NRXN1: variants seen among roughly 807,000 people sequenced by gnomAD.
The protein encoded by NRXN1 is neurexin-1.
A neutral mutation model predicts 150.9 loss-of-function variants in NRXN1; 39 were observed. The observed-to-expected ratio is 0.26, with a 90% CI of 0.20 to 0.34. The LOEUF is 0.34. Ranked by LOEUF, NRXN1 falls within the 10% of genes least tolerant of loss-of-function variation. NRXN1 has a pLI of 1.00. For synonymous variants in NRXN1, 924 were observed against 757.0 expected (o/e 1.22, Z -3.62); for missense variants, 1,815 against 1,949.9 (o/e 0.93, Z 1.30).
In NRXN1 at chr2:50,823,544, C is replaced by T. The variant is rs529153549; in HGVS notation, c.832+98325G>A. 2.8e-4 allele frequency among the ~76,000 whole-genome samples: 43 copies of T among 152,200 alleles called. No homozygotes were observed. In the South Asian group the frequency reaches 3.3e-3, roughly 12 times the overall value. The stretch of plus-strand genomic sequence containing the variant: ...CACATTCCTGATTCCCATAGCACTG[C>T]TTTTTCTATGAATTAATGTTGTTTC... On this transcript the variant is annotated intron_variant, in intron 5 of 22. Transcript: ENST00000401669.
At chr2:50,771,443 A>G (rs1703000129) in intron 5 of NRXN1, among the ~76,000 whole-genome samples, 1 of 152,120 alleles carries the variant, frequency 6.6e-6, no homozygotes, top group Admixed American at 6.6e-5. Context: ...GAATTGAGAG[A>G]AAAGTCAGGA....
At chr2:50,541,448 T>C (rs2093386865) in intron 9 of NRXN1, among the ~76,000 whole-genome samples, 1 of 152,176 alleles carries the variant, frequency 6.6e-6, no homozygotes, top group Admixed American at 6.5e-5. Flanking sequence ...AGACAATCAT[T>C]CATTACAGTT....
chr2:50,988,051 G>A (rs1464900693), intron 2 of NRXN1, among the ~76,000 whole-genome samples: 34 of 151,922 alleles, frequency 2.2e-4, no homozygotes, highest in Admixed American at 2.2e-3. Flanking sequence ...ACACTACTCA[G>A]GTCTATTCAG....
At chr2:50,169,335 T>G (rs2059877872) in intron 18 of NRXN1, among the ~76,000 whole-genome samples, 1 of 152,180 alleles carries the variant, frequency 6.6e-6, no homozygotes, top group Non-Finnish European at 1.5e-5. Flanking sequence ...ATGGGTACCT[T>G]GCCCCAGTGG....
chr2:50,587,644 G>C (rs1437753430), intron 8 of NRXN1, among the ~76,000 whole-genome samples: 2 of 152,118 alleles, frequency 1.3e-5, no homozygotes, highest in African/African-American at 4.8e-5. Context: ...AGGGAAAAAA[G>C]TATAACTAGC....
intron 17 of NRXN1, among the ~76,000 whole-genome samples, chr2:50,314,705 A>G (rs953642180): frequency 6.6e-6 from 1 of 152,066 alleles, no homozygotes; most frequent in Admixed American, 6.6e-5. Flanking sequence ...TATTTTTTGT[A>G]AATTTAAGAG....
chr2:50,578,987 A>T (rs1351020351), intron 8 of NRXN1, among the ~76,000 whole-genome samples: 1 of 152,210 alleles, frequency 6.6e-6, no homozygotes, highest in Non-Finnish European at 1.5e-5. Flanking sequence ...TCTTACCTGC[A>T]GCACACATTT....
intron 5 of NRXN1, among the ~76,000 whole-genome samples, chr2:50,684,195 T>A (rs545892483): frequency 2.0e-5 from 3 of 152,176 alleles, no homozygotes; most frequent in Non-Finnish European, 4.4e-5. Flanking sequence ...AAGAATTCTG[T>A]AAAATTACAT....
chr2:50,775,217 T>C (rs1251171591), intron 5 of NRXN1, among the ~76,000 whole-genome samples: 1 of 152,164 alleles, frequency 6.6e-6, no homozygotes. Context: ...TCAGTTAATA[T>C]ACAGCATTCC....
chr2:50,405,158 T>C (rs1361255359), intron 17 of NRXN1, among the ~76,000 whole-genome samples: 2 of 152,152 alleles, frequency 1.3e-5, no homozygotes, highest in African/African-American at 4.8e-5. Flanking sequence ...ACTAAGGATA[T>C]ATGATGTTTC....
intron 5 of NRXN1, among the ~76,000 whole-genome samples, chr2:50,717,705 G>A (rs1696048306): frequency 6.6e-6 from 1 of 152,186 alleles, no homozygotes; most frequent in African/African-American, 2.4e-5. Context: ...ACAGGATGCT[G>A]AAGGGTCCAA....
intron 21 of NRXN1, among the ~76,000 whole-genome samples, chr2:49,992,519 G>T (rs1011944169): frequency 1.3e-5 from 2 of 152,106 alleles, no homozygotes; most frequent in African/African-American, 4.8e-5. Context: ...GGCGGAGGTT[G>T]CAGTGAGCCC....
intron 22 of NRXN1, among the ~76,000 whole-genome samples, chr2:49,931,018 T>C (rs1670038104): frequency 6.6e-6 from 1 of 152,152 alleles, no homozygotes; most frequent in African/African-American, 2.4e-5. Flanking sequence ...CCTGTAGTCC[T>C]AGCTACTCGA....
chr2:50,212,960 C>T (rs781670170), intron 18 of NRXN1, among the ~76,000 whole-genome samples: 4 of 152,018 alleles, frequency 2.6e-5, no homozygotes, highest in South Asian at 2.1e-4. Flanking sequence ...ATGGGAAACA[C>T]TCATTAAAGT....
intron 17 of NRXN1, among the ~76,000 whole-genome samples, chr2:50,254,816 G>A (rs1050415186): frequency 6.6e-6 from 1 of 151,532 alleles, no homozygotes; most frequent in Admixed American, 6.6e-5. Context: ...TATTTTTTTT[G>A]TAGACACTGT....
At chr2:49,993,149 G>C (rs533682597) in intron 21 of NRXN1, among the ~76,000 whole-genome samples, 1 of 152,198 alleles carries the variant, frequency 6.6e-6, no homozygotes, top group African/African-American at 2.4e-5. Context: ...CCAAAACTTG[G>C]AACCAACCAA....
intron 18 of NRXN1, among the ~76,000 whole-genome samples, chr2:50,193,754 G>T (rs374609614): frequency 1.3e-5 from 2 of 151,760 alleles, no homozygotes; most frequent in Non-Finnish European, 2.9e-5. Flanking sequence ...TCAATTATTG[G>T]CATAATTATA....
chr2:50,623,421 C>A lies in NRXN1; in HGVS notation c.1027G>T (p.Val343Phe). Reference protein sequence around the residue: ...LALKNGAVSLVINLGSGAFEA... With the variant: ...LALKNGAVSLFINLGSGAFEA... ...AAGGCCCCTGATCCCAAATTAATGACCAGAGAGACAGCTCCATTTTTCAGG... is the reference window on the plus strand; with the variant it reads ...AAGGCCCCTGATCCCAAATTAATGAACAGAGAGACAGCTCCATTTTTCAGG... Residue 343 changes from valine to phenylalanine, a missense_variant, in exon 6 of 23, where the codon GTC (valine) becomes TTC (phenylalanine). Transcript: ENST00000401669. The A allele has an allele frequency of 1.2e-6, 2 of 1,613,326 alleles. No homozygotes were observed. Among genetic ancestry groups the A allele is most frequent in the Non-Finnish European group, 1.7e-6 (2 of 1,179,440 alleles).
intron 18 of NRXN1, among the ~76,000 whole-genome samples, chr2:50,099,974 T>A (rs1700778933): frequency 1.3e-5 from 2 of 152,138 alleles, no homozygotes; most frequent in African/African-American, 4.8e-5. Context: ...AAATCCTAAA[T>A]GTAAGGCAAA....
Sources: gnomAD v4.1 joint callset for allele counts (sites outside exome capture counted in the v4.1 genomes callset) on GRCh38, gnomAD v4.1.1 for gene constraint, MANE v1.5 for transcripts, NCBI Gene and HGNC (gene_info 2026-07-23, HGNC 2026-07-21) for gene names.